CDH7: variants seen among roughly 807,000 people sequenced by gnomAD.
CDH7 encodes the protein cadherin 7, also known as cadherin-7.
In CDH7, 25 loss-of-function variants were observed where a neutral mutation model predicts 71.8. That is an observed-to-expected ratio of 0.35 (90% confidence interval 0.25 to 0.49). The LOEUF is 0.49. Among genes scored for constraint, CDH7 ranks in the 20% least tolerant of loss-of-function variants. The pLI, the probability that CDH7 is intolerant of heterozygous loss-of-function variation, is 0.99. For synonymous variants in CDH7, 381 were observed against 363.8 expected, an observed-to-expected ratio of 1.05 and a Z score of -0.54; for missense variants, 862 against 974.6, an observed-to-expected ratio of 0.88 and a Z score of 1.54.
intron 7 of CDH7, among the ~76,000 whole-genome samples, chr18:65,850,188 AAAAT>A (rs1568218884): frequency 6.9e-6 from 1 of 144,594 alleles, no homozygotes; most frequent in Non-Finnish European, 1.5e-5. Flanking sequence ...ATATATATAT[AAAAT>A]TAAATACTTA....
At chr18:65,775,295 T>G (rs1909895329) in intron 2 of CDH7, among the ~76,000 whole-genome samples, 1 of 152,204 alleles carries the variant, frequency 6.6e-6, no homozygotes, top group Non-Finnish European at 1.5e-5. Flanking sequence ...CTATTAACTT[T>G]GAAATGGCTC....
At chr18:65,874,137 C>G (rs563001176) in intron 11 of CDH7, among the ~76,000 whole-genome samples, 1 of 152,198 alleles carries the variant, frequency 6.6e-6, no homozygotes, top group South Asian at 2.1e-4. Flanking sequence ...AATCAGTACT[C>G]ATTAAAAATA....
intron 11 of CDH7, among the ~76,000 whole-genome samples, chr18:65,868,081 A>T (rs1428465409): frequency 6.6e-6 from 1 of 152,224 alleles, no homozygotes; most frequent in Non-Finnish European, 1.5e-5. Context: ...AAGTGGCAGC[A>T]CTATGTAAAA....
chr18:65,755,878 A>G (rs1420066995), intron 1 of CDH7, among the ~76,000 whole-genome samples: 1 of 152,206 alleles, frequency 6.6e-6, no homozygotes, highest in Non-Finnish European at 1.5e-5. Flanking sequence ...CAGTGGATGA[A>G]TCAGCAGGCA....
intron 6 of CDH7, among the ~76,000 whole-genome samples, chr18:65,838,604 T>A (rs528224888): frequency 6.6e-6 from 1 of 152,302 alleles, no homozygotes; most frequent in African/African-American, 2.4e-5. Context: ...ATTAACAACA[T>A]TGTTGGCTAA....
In CDH7 at chr18:65,824,769, T is replaced by C; in HGVS notation, c.919T>C (p.Leu307=). 3.1e-6 allele frequency: 5 copies of C among 1,612,564 alleles called. No individual in the cohort carries two copies. Among genetic ancestry groups the C allele is most frequent in the Non-Finnish European group, 4.2e-6 (5 of 1,178,834 alleles). ...GTACAAGATTGTGGATGGTGATGGT[T>C]TGGGCATTTTTAAGATTTCTGTTGA... ...MEYKIVDGDG[L]GIFKISVDKE... is the part of the protein sequence containing the mutation. Residue 307 remains leucine, a synonymous_variant, in exon 6 of 12, where the codon TTG becomes CTG. Transcript: ENST00000397968.
intron 2 of CDH7, among the ~76,000 whole-genome samples, chr18:65,785,613 A>T (rs907283775): frequency 6.6e-6 from 1 of 152,062 alleles, no homozygotes; most frequent in African/African-American, 2.4e-5. Context: ...AGAAAAAAAA[A>T]CTAAGTGACA....
chr18:65,792,984 A>G (rs184894449), intron 2 of CDH7, among the ~76,000 whole-genome samples: 3 of 151,934 alleles, frequency 2.0e-5, no homozygotes, highest in East Asian at 3.9e-4. Context: ...TTGATGCTGT[A>G]CTCCGTGGAG....
At chr18:65,834,761 C>T (rs530270442) in intron 6 of CDH7, among the ~76,000 whole-genome samples, 17 of 152,200 alleles carry the variant, frequency 1.1e-4, no homozygotes, top group African/African-American at 3.9e-4. Context: ...ATTCCCATGT[C>T]GAGATCTGAC....
At chr18:65,834,080 C>T (rs1599038342) in intron 6 of CDH7, among the ~76,000 whole-genome samples, 1 of 151,964 alleles carries the variant, frequency 6.6e-6, no homozygotes, top group South Asian at 2.1e-4. Context: ...AGGTCAATTT[C>T]GGTGGGTAGG....
chr18:65,845,480 C>G lies in CDH7; in HGVS notation c.1235+1415C>G, dbSNP rs370343490. 6.6e-5 allele frequency among the ~76,000 whole-genome samples: 10 copies of G among 152,040 alleles called. No individual in the cohort carries two copies. In the East Asian group the frequency reaches 9.7e-4, roughly 15 times the overall value. On this transcript the variant is annotated intron_variant, in intron 7 of 11. Transcript: ENST00000397968. ...TGCCCTGCCTTCATGGTCAAGAAAA[C>G]TTTCTGACTGCAGTTCAGCCCCACA...
At chr18:65,859,848 G>A (rs374970356) in intron 10 of CDH7, 23 bp downstream of exon 10, 8 of 1,290,486 alleles carry the variant, frequency 6.2e-6, no homozygotes, top group South Asian at 1.2e-5. Flanking sequence ...TATTGTTACC[G>A]ATAGAGGCAG....
At chr18:65,832,820 A>G (rs1465680618) in intron 6 of CDH7, among the ~76,000 whole-genome samples, 2 of 152,072 alleles carry the variant, frequency 1.3e-5, no homozygotes, top group African/African-American at 2.4e-5. Flanking sequence ...TTTCTTTAAT[A>G]TATGGAAGTC....
chr18:65,867,560 T>G (rs1913802896), intron 11 of CDH7, among the ~76,000 whole-genome samples: 1 of 152,222 alleles, frequency 6.6e-6, no homozygotes, highest in Admixed American at 6.5e-5. Flanking sequence ...CTGTTTTGTT[T>G]AAAAATATGG....
At chr18:65,778,769 G>A (rs2143823473) in intron 2 of CDH7, among the ~76,000 whole-genome samples, 1 of 151,184 alleles carries the variant, frequency 6.6e-6, no homozygotes, top group Admixed American at 6.6e-5. Context: ...AAGCTGTCAG[G>A]CATAATTGAA....
At chr18:65,755,275 C>A (rs1915999690) in intron 1 of CDH7, among the ~76,000 whole-genome samples, 1 of 152,174 alleles carries the variant, frequency 6.6e-6, no homozygotes, top group Non-Finnish European at 1.5e-5. Context: ...CACTGGGAAT[C>A]TGTAGATTTC....
intron 4 of CDH7, among the ~76,000 whole-genome samples, chr18:65,820,371 A>G (rs1911879312): frequency 6.6e-6 from 1 of 151,996 alleles, no homozygotes; most frequent in African/African-American, 2.4e-5. Context: ...GGTCAAGACT[A>G]GACTTTACTA....
At chr18:65,829,188 G>C (rs1912242956) in intron 6 of CDH7, among the ~76,000 whole-genome samples, 1 of 151,842 alleles carries the variant, frequency 6.6e-6, no homozygotes, top group Non-Finnish European at 1.5e-5. Context: ...GGTGTCATCT[G>C]GGCTCACTGC....
At chr18:65,849,442 T>C (rs1913069389) in intron 7 of CDH7, among the ~76,000 whole-genome samples, 1 of 148,132 alleles carries the variant, frequency 6.8e-6, no homozygotes, top group Admixed American at 6.9e-5. Context: ...TCTTTCCTTT[T>C]CTTTTCTTTT....
Sources: allele counts gnomAD v4.1 joint callset (sites outside exome capture counted in the v4.1 genomes callset), GRCh38; gene constraint gnomAD v4.1.1; transcripts MANE v1.5; gene names NCBI Gene and HGNC (gene_info 2026-07-23, HGNC 2026-07-21).